Variants in SLC13A3 observed in about 807,000 individuals in gnomAD.
SLC13A3 encodes the protein Na(+)/dicarboxylate cotransporter 3.
In SLC13A3, 40 loss-of-function variants were observed where a neutral mutation model predicts 59.0. That is an observed-to-expected ratio of 0.68 (90% CI 0.53 to 0.88). The LOEUF (loss-of-function observed/expected upper bound fraction) is 0.88, where lower values mean the gene tolerates loss of function less well. Ranked by LOEUF, SLC13A3 falls within the 40% of genes least tolerant of loss-of-function variation. The pLI, the probability that SLC13A3 is intolerant of heterozygous loss-of-function variation, is 0.00. For missense variants in SLC13A3, 699 were observed against 783.2 expected (o/e 0.89, Z 1.28); for synonymous variants, 317 against 330.3 (o/e 0.96, Z 0.44).
At chr20:46,682,359 G>A (rs898123689) in intron 1 of SLC13A3, 1 of 152,234 alleles carries the variant, frequency 6.6e-6, no homozygotes, top group Admixed American at 6.5e-5. Context: ...AAGGTAGCAC[G>A]TGGTGTGGGC....
chr20:46,658,402 T>C (rs2063007819), intron 1 of SLC13A3, among the ~76,000 whole-genome samples: 1 of 152,208 alleles, frequency 6.6e-6, no homozygotes, highest in African/African-American at 2.4e-5. Flanking sequence ...GTGATAGATG[T>C]GTTCTGCTGA....
chr20:46,654,847 C>A (rs1008597751), upstream of SLC13A3, among the ~76,000 whole-genome samples: 1 of 152,156 alleles, frequency 6.6e-6, no homozygotes, highest in African/African-American at 2.4e-5. Flanking sequence ...TTCCTTTAAT[C>A]ATTCTTTGAG....
chr20:46,628,423 A>G (rs976548828), intron 1 of SLC13A3, among the ~76,000 whole-genome samples: 1 of 152,184 alleles, frequency 6.6e-6, no homozygotes, highest in Non-Finnish European at 1.5e-5. Flanking sequence ...GTCAGAAGCC[A>G]GTGGGACTCA....
chr20:46,647,814 A>C (rs2122875846), intron 1 of SLC13A3, among the ~76,000 whole-genome samples: 1 of 152,304 alleles, frequency 6.6e-6, no homozygotes, highest in Non-Finnish European at 1.5e-5. Flanking sequence ...AGATGTCATC[A>C]AGCTGGAAAC....
At chr20:46,579,320 T>C (rs1012019148) in intron 9 of SLC13A3, among the ~76,000 whole-genome samples, 1 of 152,042 alleles carries the variant, frequency 6.6e-6, no homozygotes, top group African/African-American at 2.4e-5. Context: ...AGACAGGCTC[T>C]TGTTATGTGG....
intron 1 of SLC13A3, among the ~76,000 whole-genome samples, chr20:46,619,139 C>A (rs557579169): frequency 1.3e-5 from 2 of 152,316 alleles, no homozygotes; most frequent in African/African-American, 4.8e-5. Flanking sequence ...AAGACAGAAG[C>A]CTTCTCAGAC....
At chr20:46,592,168 C>T (rs2122680140) in intron 6 of SLC13A3, among the ~76,000 whole-genome samples, 1 of 152,258 alleles carries the variant, frequency 6.6e-6, no homozygotes, top group African/African-American at 2.4e-5. Context: ...GCTATGATCG[C>T]ACCACTGCAC....
At chr20:46,564,503 C>A (rs559645043) in intron 11 of SLC13A3, among the ~76,000 whole-genome samples, 10 of 152,188 alleles carry the variant, frequency 6.6e-5, no homozygotes, top group Non-Finnish European at 8.8e-5. Flanking sequence ...GTGTCATTTA[C>A]AAGTGTCTTT....
intron 1 of SLC13A3, among the ~76,000 whole-genome samples, chr20:46,657,336 G>A (rs969259499): frequency 6.6e-6 from 1 of 150,690 alleles, no homozygotes; most frequent in Non-Finnish European, 1.5e-5. Context: ...TCGCACCACT[G>A]CATTCCAGCC....
intron 8 of SLC13A3, chr20:46,585,814 T>G: frequency 7.9e-7 from 1 of 1,260,576 alleles, no homozygotes; most frequent in Non-Finnish European, 1.0e-6. Flanking sequence ...CTTCATGGCT[T>G]CATGAAATTA....
chr20:46,621,815 G>T (rs1409244707), intron 1 of SLC13A3, among the ~76,000 whole-genome samples: 1 of 152,130 alleles, frequency 6.6e-6, no homozygotes. Flanking sequence ...TCTCCCTACC[G>T]CTCCGCTAAA....
intron 1 of SLC13A3, among the ~76,000 whole-genome samples, chr20:46,679,531 G>A (rs544340399): frequency 3.4e-4 from 51 of 151,756 alleles, no homozygotes; most frequent in African/African-American, 5.8e-4. Context: ...GGAGAATGGC[G>A]TGAACCCAGG....
intron 3 of SLC13A3, among the ~76,000 whole-genome samples, chr20:46,602,152 G>A (rs1195902490): frequency 6.6e-6 from 1 of 152,084 alleles, no homozygotes; most frequent in African/African-American, 2.4e-5. Flanking sequence ...GAGCCAGATA[G>A]TGAGACCACA....
intron 6 of SLC13A3, among the ~76,000 whole-genome samples, chr20:46,591,717 C>A (rs1393978666): frequency 6.6e-6 from 1 of 152,144 alleles, no homozygotes; most frequent in Non-Finnish European, 1.5e-5. Flanking sequence ...CCTCATGCCA[C>A]CCCAAATTAT....
chr20:46,626,143 C>CTCTG (rs1568943709), intron 1 of SLC13A3, among the ~76,000 whole-genome samples: 11 of 151,576 alleles, frequency 7.3e-5, no homozygotes, highest in Non-Finnish European at 1.5e-4. Context: ...CTCTCTGTCT[C>CTCTG]TCTGTCTCTC....
At chr20:46,588,980 C>T (rs1371893863) in intron 7 of SLC13A3, among the ~76,000 whole-genome samples, 180 bp downstream of exon 7, 1 of 152,196 alleles carries the variant, frequency 6.6e-6, no homozygotes, top group Non-Finnish European at 1.5e-5. Context: ...TCTACCCCAG[C>T]ACCACGGCAA....
intron 3 of SLC13A3, among the ~76,000 whole-genome samples, chr20:46,602,109 G>A (rs2062385754): frequency 6.6e-6 from 1 of 152,164 alleles, no homozygotes; most frequent in Admixed American, 6.5e-5. Flanking sequence ...TAAGGCAGGA[G>A]GATTGCTTGA....
At chr20:46,632,795 A>ATC (rs903019705) in intron 1 of SLC13A3, among the ~76,000 whole-genome samples, 3 of 150,214 alleles carry the variant, frequency 2.0e-5, no homozygotes, top group African/African-American at 4.9e-5. Context: ...AGTAATCTCT[A>ATC]TCTCTCTCTC....
rs977204511 is a variant in SLC13A3 at position 46,588,111 on chromosome 20, A to G, written c.1069T>C (p.Phe357Leu). ...ILFCMFAILL[F>L]TRDPKFIPGW... is the part of the protein sequence containing the mutation. ...GGGATGAACTTCGGGTCCCGGGTGAAGAGGAGGATGGCAAACATGCAGAAA... is the reference window on the plus strand; with the variant it reads ...GGGATGAACTTCGGGTCCCGGGTGAGGAGGAGGATGGCAAACATGCAGAAA... Residue 357 changes from phenylalanine (F) to leucine (L), a missense_variant, in exon 8 of 13, where the codon TTC becomes CTC. Coordinates refer to ENST00000279027, the MANE Select transcript of SLC13A3 (RefSeq NM_022829.6). The G allele has an allele frequency of 1.2e-6, 2 of 1,613,032 alleles. No homozygotes were observed. The highest frequency in any genetic ancestry group is 2.7e-5 in the African/African-American group (2 of 74,884).
Sources: gnomAD v4.1 joint callset for allele counts (sites outside exome capture counted in the v4.1 genomes callset) on GRCh38, gnomAD v4.1.1 for gene constraint, MANE v1.5 for transcripts, NCBI Gene and HGNC (gene_info 2026-07-23, HGNC 2026-07-21) for gene names.